The following ESR1 variants were observed in gnomAD, a reference collection of about 807,000 sequenced individuals.
ESR1 encodes estrogen receptor 1.
In ESR1, 12 loss-of-function variants were observed where a neutral mutation model predicts 52.7. That is an observed-to-expected ratio of 0.23 (90% CI 0.15 to 0.37). The LOEUF (loss-of-function observed/expected upper bound fraction) is 0.37. Among genes scored for constraint, ESR1 ranks in the 10% least tolerant of loss-of-function variants. The pLI, the probability that ESR1 is intolerant of heterozygous loss-of-function variation, is 1.00. For synonymous variants in ESR1, 305 were observed against 316.8 expected, an observed-to-expected ratio of 0.96 and a Z score of 0.39; for missense variants, 584 against 779.7, an observed-to-expected ratio of 0.75 and a Z score of 2.99.
chr6:151,916,380 A>G (rs1584204455), intron 3 of ESR1, among the ~76,000 whole-genome samples: 1 of 152,222 alleles, frequency 6.6e-6, no homozygotes, highest in East Asian at 1.9e-4. Context: ...TATTTAGAAA[A>G]GCTAATCTAC....
chr6:151,899,997 C>G (rs1478225945), intron 3 of ESR1, among the ~76,000 whole-genome samples: 1 of 152,102 alleles, frequency 6.6e-6, no homozygotes, highest in African/African-American at 2.4e-5. Flanking sequence ...ACGGGGTGGC[C>G]CCGGGCAGAG....
At chr6:151,684,537 C>T (rs1030170750) in intron 1 of ESR1, among the ~76,000 whole-genome samples, 1 of 152,176 alleles carries the variant, frequency 6.6e-6, no homozygotes, top group Non-Finnish European at 1.5e-5. Context: ...TGAAGAGGAT[C>T]TGACTTGTGA....
At chr6:151,681,777 C>T (rs1019269808) in intron 1 of ESR1, among the ~76,000 whole-genome samples, 2 of 151,522 alleles carry the variant, frequency 1.3e-5, no homozygotes, top group Non-Finnish European at 2.9e-5. Flanking sequence ...CACAGCTGGA[C>T]GCGGGGTCCA....
chr6:151,720,231 G>T (rs148395966), intron 2 of ESR1, among the ~76,000 whole-genome samples: 243 of 152,212 alleles, frequency 1.6e-3, no homozygotes, highest in African/African-American at 5.7e-3. Context: ...TTCAAACTGT[G>T]CAATCTGCCT....
chr6:151,770,293 T>G (rs9371553), intron 2 of ESR1, among the ~76,000 whole-genome samples: 9,924 of 152,200 alleles, frequency 0.065, 688 homozygotes, highest in East Asian at 0.28. Context: ...GCCATAGTTT[T>G]CTAAAAGCTG....
intron 4 of ESR1, among the ~76,000 whole-genome samples, chr6:151,976,436 AT>A (rs879802058): frequency 3.3e-3 from 478 of 142,908 alleles, no homozygotes; most frequent in African/African-American, 4.5e-3. Context: ...ATATTTCACT[AT>A]TTTTTTTTTT....
At chr6:151,889,787 C>A (rs1308751376) in intron 3 of ESR1, among the ~76,000 whole-genome samples, 2 of 152,010 alleles carry the variant, frequency 1.3e-5, no homozygotes, top group Admixed American at 6.6e-5. Context: ...ACATTTATTG[C>A]TATAAACTTC....
At chr6:152,001,036 G>A (rs951531842) in intron 4 of ESR1, among the ~76,000 whole-genome samples, 9 of 151,982 alleles carry the variant, frequency 5.9e-5, no homozygotes, top group African/African-American at 1.4e-4. Context: ...CATTGTTGAT[G>A]AGACCTAGTA....
chr6:151,712,752 T>C (rs1194944652), intron 2 of ESR1, among the ~76,000 whole-genome samples: 1 of 152,132 alleles, frequency 6.6e-6, no homozygotes, highest in Non-Finnish European at 1.5e-5. Flanking sequence ...GATGATGGGG[T>C]TTTCTAAATA....
intron 2 of ESR1, among the ~76,000 whole-genome samples, chr6:151,789,112 T>TA (rs767498740): frequency 1.2e-3 from 179 of 151,064 alleles, no homozygotes; most frequent in African/African-American, 3.8e-3. Flanking sequence ...AAATAAAAGT[T>TA]AAAAAAAAAC....
chr6:152,111,558 T>G (rs2051136418), intron 6 of ESR1, among the ~76,000 whole-genome samples: 1 of 152,206 alleles, frequency 6.6e-6, no homozygotes. Flanking sequence ...GGTTAACATT[T>G]TTACAAGCTG....
intron 4 of ESR1, among the ~76,000 whole-genome samples, chr6:151,993,627 C>A (rs1490821698): frequency 6.6e-6 from 1 of 152,180 alleles, no homozygotes; most frequent in Non-Finnish European, 1.5e-5. Context: ...AGTTTTCTGC[C>A]CTACTATTCC....
chr6:151,970,380 A>C (rs1468631161), intron 4 of ESR1, among the ~76,000 whole-genome samples: 1 of 151,966 alleles, frequency 6.6e-6, no homozygotes, highest in Non-Finnish European at 1.5e-5. Flanking sequence ...GCCCTCCCAC[A>C]AGCATATACA....
intron 2 of ESR1, among the ~76,000 whole-genome samples, chr6:151,775,591 C>A (rs1202326501): frequency 1.3e-5 from 2 of 151,748 alleles, no homozygotes; most frequent in Non-Finnish European, 2.9e-5. Flanking sequence ...ACTAAAAATA[C>A]AAAAAAATTA....
chr6:151,831,405 A>G (rs986088940), intron 1 of ESR1, among the ~76,000 whole-genome samples: 4 of 152,166 alleles, frequency 2.6e-5, no homozygotes, highest in South Asian at 2.1e-4. Flanking sequence ...CTTCCAGAGC[A>G]GTGAGATTAC....
intron 1 of ESR1, among the ~76,000 whole-genome samples, chr6:151,664,568 C>T (rs918622910): frequency 2.2e-4 from 34 of 152,258 alleles, no homozygotes; most frequent in African/African-American, 7.9e-4. Flanking sequence ...TACTTTCCAG[C>T]CCATCTGATA....
intron 2 of ESR1, among the ~76,000 whole-genome samples, chr6:151,771,486 T>G (rs1223829949): frequency 6.6e-6 from 1 of 152,202 alleles, no homozygotes; most frequent in Non-Finnish European, 1.5e-5. Flanking sequence ...GCCGCCGGTG[T>G]TCATGTAGTT....
At chr6:151,732,534 TTGTGTGTGTG>T (rs3036504) in intron 2 of ESR1, among the ~76,000 whole-genome samples, 2 of 148,768 alleles carry the variant, frequency 1.3e-5, no homozygotes, top group African/African-American at 2.5e-5. Flanking sequence ...GTGTGTGTGT[TTGTGTGTGTG>T]TGTGTGTGTG....
intron 5 of ESR1, among the ~76,000 whole-genome samples, chr6:152,045,517 A>C (rs556039746): frequency 1.2e-4 from 18 of 152,292 alleles, no homozygotes; most frequent in African/African-American, 4.3e-4. Context: ...GCCAGACTGC[A>C]GGTCTGCTAC....
Sources: allele counts gnomAD v4.1 joint callset (sites outside exome capture counted in the v4.1 genomes callset), GRCh38; gene constraint gnomAD v4.1.1; transcripts MANE v1.5; gene names NCBI Gene and HGNC (gene_info 2026-07-23, HGNC 2026-07-21).